Variants in GTPBP10 observed in about 807,000 individuals in gnomAD.
GTPBP10 encodes the protein GTP-binding protein 10.
A neutral mutation model predicts 44.8 loss-of-function variants in GTPBP10; 38 were observed. That is an observed-to-expected ratio of 0.85 (90% CI 0.65 to 1.11). GTPBP10 has a LOEUF of 1.11. Ranked by LOEUF, GTPBP10 falls within the 50% of genes most tolerant of loss-of-function variation. The pLI, the probability that GTPBP10 is intolerant of heterozygous loss-of-function variation, is 0.00. For synonymous variants in GTPBP10, 152 were observed against 150.6 expected (o/e 1.01, Z -0.07); for missense variants, 462 against 453.7 (o/e 1.02, Z -0.17).
At chr7:90,373,945 A>G (rs966275040) in intron 5 of GTPBP10, among the ~76,000 whole-genome samples, 3 of 152,144 alleles carry the variant, frequency 2.0e-5, no homozygotes, top group South Asian at 2.1e-4. Context: ...GGCTCAAGCA[A>G]TCCTCCCACC....
At chr7:90,363,508 T>C (rs1442607328) in intron 4 of GTPBP10, among the ~76,000 whole-genome samples, 3 of 152,218 alleles carry the variant, frequency 2.0e-5, no homozygotes, top group Non-Finnish European at 4.4e-5. Flanking sequence ...AGATCAGCTG[T>C]TAGTGTGATG....
chr7:90,382,355 C>T (rs1441610355), intron 8 of GTPBP10, among the ~76,000 whole-genome samples: 1 of 152,116 alleles, frequency 6.6e-6, no homozygotes, highest in African/African-American at 2.4e-5. Flanking sequence ...TGGGCCCAAG[C>T]AATGCTCCTA....
chr7:90,368,080 C>A (rs779347508), intron 4 of GTPBP10, among the ~76,000 whole-genome samples: 3 of 152,102 alleles, frequency 2.0e-5, no homozygotes, highest in Non-Finnish European at 2.9e-5. Flanking sequence ...ATTGAAAATT[C>A]TTTTCTTTAG....
chr7:90,378,023 G>A (rs1225612450), intron 7 of GTPBP10, 111 bp from the exon 8 acceptor site: 3 of 1,305,650 alleles, frequency 2.3e-6, no homozygotes, highest in African/African-American at 3.0e-5. Flanking sequence ...GTAACAAGTA[G>A]AGTATAGAGA....
At chr7:90,378,078 A>G (rs1402206448) in intron 7 of GTPBP10, 56 bp from the exon 8 acceptor site, 13 of 1,532,994 alleles carry the variant, frequency 8.5e-6, no homozygotes, top group Non-Finnish European at 1.2e-5. Context: ...AAACATAGAA[A>G]TGTATAGCTA....
intron 4 of GTPBP10, among the ~76,000 whole-genome samples, chr7:90,360,489 A>C (rs7799190): frequency 2.9e-3 from 439 of 152,174 alleles, no homozygotes; most frequent in African/African-American, 0.01. Context: ...GGTCTGTCCT[A>C]TTGGTCTATA....
At chr7:90,375,996 G>A (rs1017302084) in intron 6 of GTPBP10, among the ~76,000 whole-genome samples, 1 of 151,672 alleles carries the variant, frequency 6.6e-6, no homozygotes, top group African/African-American at 2.4e-5. Flanking sequence ...GGAGGCCAAG[G>A]CAGGCAGATC....
Position 90,386,285 on chromosome 7 carries a change from G to T in GTPBP10, c.*1131G>T, listed in dbSNP as rs561176901. 1.3e-5 allele frequency: 2 copies of T among 152,202 alleles called. No homozygotes were observed. The highest frequency in any genetic ancestry group is 4.2e-4 in the South Asian group (2 of 4,818). The allele number at this position is 152,202 out of a possible 1,614,324, so 9.4% of individuals were successfully genotyped here. ...ACTAAATATATAATAGTTATCTTTT[G>T]TGGAGACCTTAAAACCCTAAATTTG... On this transcript the variant is annotated 3_prime_UTR_variant, in exon 10 of 10. Transcript: ENST00000222511.
Position 90,346,783 on chromosome 7 carries a change from G to C in GTPBP10, c.33+9G>C. On this transcript the variant is annotated intron_variant, in intron 1 of 9. Coordinates refer to ENST00000222511, the MANE Select transcript of GTPBP10 (RefSeq NM_033107.4). ...GCGTGTTGTTCAGAAAGGTCCGTGC[G>C]GGTCCCCTCAGCCTGGTCCCCTTAG... 6.2e-7 allele frequency: 1 copy of C among 1,614,026 alleles called. No homozygotes were observed. Among genetic ancestry groups the C allele is most frequent in the South Asian group, 1.1e-5 (1 of 91,074 alleles).
At position 90,371,551 on chromosome 7, in the gene GTPBP10, C is replaced by T. The variant is rs191326871; in HGVS notation, c.465-604C>T. Among the ~76,000 whole-genome samples, 947 of 152,250 alleles carry T rather than the reference C, an allele frequency of 6.2e-3. 3 individuals carry two copies. Among genetic ancestry groups the T allele is most frequent in the Non-Finnish European group, 9.5e-3 (644 of 68,008 alleles). On this transcript the variant is annotated intron_variant, in intron 4 of 9. Coordinates refer to ENST00000222511, the MANE Select transcript of GTPBP10 (RefSeq NM_033107.4). ...AAGAAACTCTGTAGGACAACTGACC[C>T]AGTTTCTTTAAAAATAAAATTGCAG...
chr7:90,351,935 A>G (rs999707186), intron 1 of GTPBP10, among the ~76,000 whole-genome samples: 3 of 152,162 alleles, frequency 2.0e-5, no homozygotes, highest in Non-Finnish European at 2.9e-5. Flanking sequence ...TGAACTCGTG[A>G]TCCGCCCACC....
In GTPBP10 at chr7:90,386,936, T is replaced by G. The variant is rs1796534761; in HGVS notation, c.*1782T>G. The G allele has an allele frequency of 6.6e-6, 1 of 152,216 alleles. No homozygotes were observed. Among genetic ancestry groups the G allele is most frequent in the Non-Finnish European group, 1.5e-5 (1 of 68,036 alleles). The allele number at this position is 152,216 out of a possible 1,614,324, so 9.4% of individuals were successfully genotyped here. On this transcript the variant is annotated 3_prime_UTR_variant, in exon 10 of 10. Transcript: ENST00000222511. ...TTCCCAGGGAAAATGATTAATAGTT[T>G]ACATTCTTGCAGAAATTTTTTATGT...
chr7:90,372,038 T>C, intron 4 of GTPBP10, 117 bp from the exon 5 acceptor site: 1 of 595,786 alleles, frequency 1.7e-6, no homozygotes, highest in Non-Finnish European at 2.9e-6. Context: ...AGATTATTTA[T>C]AATACATTTA....
At chr7:90,353,057 G>A in intron 2 of GTPBP10, 48 bp downstream of exon 2, 7 of 1,298,146 alleles carry the variant, frequency 5.4e-6, no homozygotes, top group South Asian at 1.8e-5. Context: ...AAACCCTTCT[G>A]GAAATTTTTT....
At chr7:90,380,004 A>C (rs150985167) in intron 8 of GTPBP10, among the ~76,000 whole-genome samples, 41 of 143,494 alleles carry the variant, frequency 2.9e-4, no homozygotes, top group African/African-American at 9.4e-4. Flanking sequence ...GTGCATTACT[A>C]TTTGTATTAT....
chr7:90,349,328 C>T (rs936614391), intron 1 of GTPBP10, among the ~76,000 whole-genome samples: 5 of 152,072 alleles, frequency 3.3e-5, no homozygotes, highest in East Asian at 1.9e-4. Flanking sequence ...CTTGCGACCC[C>T]GTGATCTAGA....
At chr7:90,382,458 C>T (rs1796449008) in intron 8 of GTPBP10, among the ~76,000 whole-genome samples, 1 of 152,128 alleles carries the variant, frequency 6.6e-6, no homozygotes, top group South Asian at 2.1e-4. Flanking sequence ...GGGCTTCGCT[C>T]TGTCATGTAG....
rs780185456 is a variant in GTPBP10 at position 90,355,240 on chromosome 7, G to A, written c.464+10G>A. The A allele has an allele frequency of 1.4e-5, 21 of 1,476,168 alleles. No individual in the cohort carries two copies. The highest frequency in any genetic ancestry group is 8.7e-5 in the Admixed American group (4 of 45,830). 91.4% of individuals were successfully genotyped at this position (1,476,168 alleles called of 1,614,324 possible). On this transcript the variant is annotated intron_variant, in intron 4 of 9. Coordinates refer to ENST00000222511, the MANE Select transcript of GTPBP10 (RefSeq NM_033107.4). Reference sequence around the variant, plus strand: ...ATGTAGGCCTAGTAGGGTAAGTATCGTTCATATTTTTATTATTATACTTTC... The same window carrying A: ...ATGTAGGCCTAGTAGGGTAAGTATCATTCATATTTTTATTATTATACTTTC...
Position 90,384,965 on chromosome 7 carries a change from T to A in GTPBP10, c.975T>A (p.Ser325=), listed in dbSNP as rs1313867512. 6.2e-7 allele frequency: 1 copy of A among 1,613,094 alleles called. No homozygotes were observed. Among genetic ancestry groups the A allele is most frequent in the Non-Finnish European group, 8.5e-7 (1 of 1,179,282 alleles). The change falls in exon 10 of 10, where the codon TCT becomes TCA. Residue 325 remains serine, a synonymous_variant. Coordinates refer to ENST00000222511, the MANE Select transcript of GTPBP10 (RefSeq NM_033107.4). The part of the protein sequence containing the change: ...TVEFQHIIPI[S]AVTGEGIEEL... ...AGTTCCAACATATCATCCCCATATC[T>A]GCAGTTACTGGAGAAGGAATCGAAG...
Sources: gnomAD v4.1 joint callset for allele counts (sites outside exome capture counted in the v4.1 genomes callset) on GRCh38, gnomAD v4.1.1 for gene constraint, MANE v1.5 for transcripts, NCBI Gene and HGNC (gene_info 2026-07-23, HGNC 2026-07-21) for gene names.